IFT122: variants seen among roughly 807,000 people sequenced by gnomAD.
The protein encoded by IFT122 is intraflagellar transport 122.
A neutral mutation model predicts 161.6 loss-of-function variants in IFT122; 118 were observed. That is an observed-to-expected ratio of 0.73 (90% CI 0.63 to 0.85). IFT122 has a LOEUF of 0.85. Ranked by LOEUF, IFT122 falls within the 40% of genes least tolerant of loss-of-function variation. The probability of loss-of-function intolerance (pLI) is 0.00; values close to 1 mark genes in which losing one functional copy is unlikely to be tolerated. For missense variants in IFT122, 1,381 were observed against 1,579.6 expected (o/e 0.87, Z 2.13); for synonymous variants, 550 against 602.4 (o/e 0.91, Z 1.27).
chr3:129,451,849 C>A, intron 2 of IFT122, 65 bp from the exon 3 acceptor site: 1 of 1,345,658 alleles, frequency 7.4e-7, no homozygotes, highest in Non-Finnish European at 1.1e-6. Context: ...ATAGCAGTAG[C>A]AACCCTGCAG....
chr3:129,509,250 C>G (rs982068604), intron 23 of IFT122, among the ~76,000 whole-genome samples: 2 of 152,196 alleles, frequency 1.3e-5, no homozygotes. Context: ...ACTTATCAAG[C>G]TTTTTCACCT....
chr3:129,451,780 G>A (rs554762108), intron 2 of IFT122, 134 bp from the exon 3 acceptor site: 74 of 775,964 alleles, frequency 9.5e-5, no homozygotes, highest in Middle Eastern at 9.1e-4. Flanking sequence ...TGGTTTTGCA[G>A]TGCAGTTTTT....
chr3:129,463,013 A>G (rs932457243), intron 5 of IFT122: 2 of 153,944 alleles, frequency 1.3e-5, no homozygotes, highest in African/African-American at 4.8e-5. Context: ...TTGAGAGTCA[A>G]ATCCCTGAAA....
At position 129,492,134 on chromosome 3, in the gene IFT122, G is replaced by C. The variant is rs2285354; in HGVS notation, c.1993-7G>C. 353,437 of 1,604,430 alleles carry C rather than the reference G, an allele frequency of 0.22. 63,735 individuals are homozygous for C. Among genetic ancestry groups the C allele is most frequent in the African/African-American group, 0.84 (62,579 of 74,580 alleles). On this transcript the variant is annotated splice_polypyrimidine_tract_variant and splice_region_variant and intron_variant, in intron 16 of 29. Coordinates refer to ENST00000348417, the MANE Select transcript of IFT122 (RefSeq NM_052989.3). ...AGCTTATTTTATTCTTTATTTCTTC[G>C]CCACAGGCCTTCATCAGAGTACAAG...
chr3:129,486,292 C>T (rs1454646067), intron 15 of IFT122, among the ~76,000 whole-genome samples: 1 of 152,180 alleles, frequency 6.6e-6, no homozygotes, highest in Non-Finnish European at 1.5e-5. Flanking sequence ...TCAGTCCTGA[C>T]TCTGCCATCT....
chr3:129,519,735 A>T lies in IFT122; in HGVS notation c.3636+3A>T, dbSNP rs753825998. 1 of 1,613,446 alleles carries T rather than the reference A, an allele frequency of 6.2e-7. No individual in the cohort carries two copies. On this transcript the variant is annotated splice_donor_region_variant and intron_variant, in intron 29 of 29. Transcript: ENST00000348417. Reference sequence around the variant, plus strand: ...CCATGTGCCCCTCCTGCTTCCAGGTAGGTGGCCACCCTGGTAGCTCACATG... The same window carrying T: ...CCATGTGCCCCTCCTGCTTCCAGGTTGGTGGCCACCCTGGTAGCTCACATG...
At chr3:129,500,133 G>A (rs2081355770) in intron 19 of IFT122, 65 bp downstream of exon 19, 1 of 1,560,554 alleles carries the variant, frequency 6.4e-7, no homozygotes, top group African/African-American at 1.4e-5. Flanking sequence ...CCTCTTGACT[G>A]ACAAGGGAAC....
Position 129,457,086 on chromosome 3 carries a change from G to T in IFT122, c.194-1513G>T, listed in dbSNP as rs1021999439. Among the ~76,000 whole-genome samples the T allele has an allele frequency of 1.1e-4, 16 of 152,166 alleles. 1 individual carries two copies. Among genetic ancestry groups the T allele is most frequent in the Non-Finnish European group, 2.9e-5 (2 of 68,018 alleles). On this transcript the variant is annotated intron_variant, in intron 3 of 29. Coordinates refer to ENST00000348417, the MANE Select transcript of IFT122 (RefSeq NM_052989.3). ...AATAAAGTCTAAAAGTCCTTAAGAT[G>T]TACAGAATGTGGCACATACTTACCT...
At position 129,488,314 on chromosome 3, in the gene IFT122, GCTT is replaced by G. The variant is rs771592180; in HGVS notation, c.1910_1912del (p.Ala637_Cys638delinsGly). On this transcript the variant is annotated inframe_deletion, in exon 16 of 30. Transcript: ENST00000348417. ...ACTGTTCAAGGAAGCCTACCAGATT[GCTT>G]GCTTGGGTGTCACAGACACTGATTG... 140 of 1,614,094 alleles carry G rather than the reference GCTT, an allele frequency of 8.7e-5. No individual in the cohort carries two copies. Among genetic ancestry groups the G allele is most frequent in the Non-Finnish European group, 1.1e-4 (135 of 1,180,054 alleles).
intron 7 of IFT122, among the ~76,000 whole-genome samples, chr3:129,465,149 GTGT>G (rs1323601404): frequency 7.7e-6 from 1 of 129,882 alleles, no homozygotes; most frequent in African/African-American, 3.5e-5. Context: ...GTGTGTGTGT[GTGT>G]GTGTGTGTGG....
intron 1 of IFT122, among the ~76,000 whole-genome samples, chr3:129,441,620 T>C (rs977109664): frequency 3.3e-5 from 5 of 152,184 alleles, no homozygotes; most frequent in South Asian, 2.1e-4. Context: ...TTTTTCCTTA[T>C]GTTACAGACG....
At chr3:129,455,965 A>G in intron 3 of IFT122, 1 of 362,522 alleles carries the variant, frequency 2.8e-6, no homozygotes, top group Non-Finnish European at 5.6e-6. Context: ...AGACAGAGGC[A>G]AAAGAAAATT....
At chr3:129,484,829 T>C (rs577261551) in intron 15 of IFT122, among the ~76,000 whole-genome samples, 2 of 152,320 alleles carry the variant, frequency 1.3e-5, no homozygotes, top group African/African-American at 4.8e-5. Flanking sequence ...TTGTAGGAAA[T>C]AATACAGAGA....
intron 17 of IFT122, among the ~76,000 whole-genome samples, chr3:129,494,781 G>A (rs2080638449): frequency 6.6e-6 from 1 of 152,106 alleles, no homozygotes; most frequent in Non-Finnish European, 1.5e-5. Context: ...AGACAGAACT[G>A]CGTCCAAATT....
chr3:129,513,444 A>G (rs1455934184), intron 24 of IFT122: 2 of 152,414 alleles, frequency 1.3e-5, no homozygotes, highest in African/African-American at 4.8e-5. Flanking sequence ...TTTCAGGGGA[A>G]ATACCCTCAA....
In IFT122 at chr3:129,514,532, C is replaced by T. The variant is rs147341636; in HGVS notation, c.3131C>T (p.Ala1044Val). 260 of 1,614,242 alleles carry T rather than the reference C, an allele frequency of 1.6e-4. No homozygotes were observed. In the Middle Eastern group the frequency reaches 1.8e-3, roughly 11 times the overall value. Residue 1044 changes from alanine (A) to valine (V), a missense_variant, in exon 25 of 30, where the codon GCC (alanine) becomes GTC (valine). Ala to Val is a moderately conservative substitution (Grantham distance 64). This residue lies in a region of IFT122 where 496 missense variants were observed against 502.5 expected (regional missense o/e 0.99). Transcript: ENST00000348417. Reference sequence around the variant, plus strand: ...GAGCTGGGTACCCTGACCATCCGCGCCAAGCCCTTCCACGACAGTGAGGTG... The same window carrying T: ...GAGCTGGGTACCCTGACCATCCGCGTCAAGCCCTTCCACGACAGTGAGGTG... ...SIELGTLTIR[A>V]KPFHDSEELV...
chr3:129,512,837 T>A (rs1221043281), intron 24 of IFT122: 1 of 247,948 alleles, frequency 4.0e-6, no homozygotes, highest in Non-Finnish European at 7.9e-6. Flanking sequence ...AGGCACCAGG[T>A]GGCAAAGCTG....
At position 129,514,525 on chromosome 3, in the gene IFT122, A is replaced by G. The variant is rs371251608; in HGVS notation, c.3124A>G (p.Ile1042Val). 17 of 1,614,100 alleles carry G rather than the reference A, an allele frequency of 1.1e-5. No homozygotes were observed. In the East Asian group the frequency reaches 2.7e-4, roughly 25 times the overall value. Residue 1042 changes from isoleucine to valine, a missense_variant, in exon 25 of 30, where the codon ATC becomes GTC. Ile to Val is a conservative substitution (Grantham distance 29, BLOSUM62 3). Transcript: ENST00000348417. ...QKSIELGTLT[I>V]RAKPFHDSEE... ...GTCCATTGAGCTGGGTACCCTGACC[A>G]TCCGCGCCAAGCCCTTCCACGACAG...
chr3:129,515,574 C>G lies in IFT122; in HGVS notation c.3240C>G (p.Pro1080=). ...LGNVCINCRQ[P]FIFSASSYDV... ...ACGTCTGCATCAACTGCCGCCAGCC[C>G]TTCATCTTCTCCGCCTCTTCCTACG... The change falls in exon 26 of 30, where the codon CCC becomes CCG. Residue 1080 remains proline, a synonymous_variant. Coordinates refer to ENST00000348417, the MANE Select transcript of IFT122 (RefSeq NM_052989.3). 4.0e-6 allele frequency: 6 copies of G among 1,503,262 alleles called. No homozygotes were observed. Among genetic ancestry groups the G allele is most frequent in the East Asian group, 2.3e-5 (1 of 43,970 alleles). 93.1% of individuals were successfully genotyped at this position (1,503,262 alleles called of 1,614,324 possible). A position where few individuals can be genotyped will look rare whatever the true frequency, so the allele number is the denominator to read the frequency against.
Sources: gnomAD v4.1 joint callset for allele counts (sites outside exome capture counted in the v4.1 genomes callset) on GRCh38, gnomAD v4.1.1 for gene constraint, gnomAD v4.1.1 regional missense constraint, MANE v1.5 for transcripts, NCBI Gene and HGNC (gene_info 2026-07-23, HGNC 2026-07-21) for gene names.